The following PLS3 variants were observed in gnomAD, a reference collection of about 807,000 sequenced individuals.
The protein encoded by PLS3 is plastin 3.
A neutral mutation model predicts 46.5 loss-of-function variants in PLS3; 11 were observed. The observed-to-expected ratio is 0.24, with a 90% CI of 0.15 to 0.39. PLS3 has a LOEUF of 0.39. Ranked by LOEUF, PLS3 falls within the 10% of genes least tolerant of loss-of-function variation. The probability of loss-of-function intolerance (pLI) is 1.00; values close to 1 mark genes in which losing one functional copy is unlikely to be tolerated. For missense variants in PLS3, 308 were observed against 461.8 expected (o/e 0.67, Z 3.05); for synonymous variants, 167 against 162.2 (o/e 1.03, Z -0.22).
intron 1 of PLS3, among the ~76,000 whole-genome samples, chrX:115,573,956 G>A (rs782031761): frequency 6.3e-5 from 7 of 110,988 alleles, no homozygotes; most frequent in Non-Finnish European, 1.3e-4. Flanking sequence ...TGCCCACCTC[G>A]ACCTCGCAAA....
At chrX:115,612,154 C>A (rs1425386279) in intron 2 of PLS3, among the ~76,000 whole-genome samples, 2 of 111,685 alleles carry the variant, frequency 1.8e-5, no homozygotes, top group Non-Finnish European at 3.8e-5. Context: ...GAACTATATA[C>A]ATAGCCTTTT....
Position 115,643,529 on chromosome X carries a change from C to T in PLS3, c.1183+21C>T, listed in dbSNP as rs781841501. Reference sequence around the variant, plus strand: ...AGAAGGTAACTAAAAACCTCAATTTCGAATGTGTGGGACTATAGAGTAGAA... The same window carrying T: ...AGAAGGTAACTAAAAACCTCAATTTTGAATGTGTGGGACTATAGAGTAGAA... On this transcript the variant is annotated intron_variant, in intron 10 of 15. Transcript: ENST00000355899. The T allele has an allele frequency of 8.3e-6, 8 of 961,336 alleles. No individual in the cohort carries two copies. In the East Asian group the frequency reaches 9.2e-5, roughly 11 times the overall value. The allele number at this position is 961,336 out of a possible 1,213,427, so 79.2% of individuals were successfully genotyped here. A position where few individuals can be genotyped will look rare whatever the true frequency, so the allele number is the denominator to read the frequency against.
At chrX:115,571,752 T>C (rs149451996) in intron 1 of PLS3, among the ~76,000 whole-genome samples, 141 of 112,036 alleles carry the variant, frequency 1.3e-3, no homozygotes, top group Middle Eastern at 4.6e-3. Context: ...AGAGAAAATA[T>C]ATTATTGAAA....
At position 115,602,542 on chromosome X, in the gene PLS3, G is replaced by A. The variant is rs782277918; in HGVS notation, c.-8-7701G>A. ...TGGCAGTTTCTATTGGTAAAGGTAG[G>A]TATGCAAAGTGTGGGTGTTCAAAAG... On this transcript the variant is annotated intron_variant, in intron 1 of 15. Coordinates refer to ENST00000355899, the MANE Select transcript of PLS3 (RefSeq NM_005032.7). Among the ~76,000 whole-genome samples the A allele has an allele frequency of 1.7e-4, 19 of 111,637 alleles. No individual in the cohort carries two copies. The Admixed American group carries it at 1.7e-3, about 10-fold the overall frequency.
intron 1 of PLS3, among the ~76,000 whole-genome samples, chrX:115,572,182 A>G (rs2074220509): frequency 9.0e-6 from 1 of 111,521 alleles, no homozygotes; most frequent in African/African-American, 3.3e-5. Flanking sequence ...GCTTTAGTTG[A>G]CACTCAGATA....
At chrX:115,602,276 C>T (rs1556634720) in intron 1 of PLS3, among the ~76,000 whole-genome samples, 3 of 111,780 alleles carry the variant, frequency 2.7e-5, no homozygotes, top group Non-Finnish European at 5.6e-5. Context: ...TCTGGAGCAC[C>T]CAACACAGTG....
chrX:115,601,131 A>T (rs1024501378), intron 1 of PLS3, among the ~76,000 whole-genome samples: 1 of 109,978 alleles, frequency 9.1e-6, no homozygotes, highest in African/African-American at 3.3e-5. Flanking sequence ...GTCTAGATAG[A>T]TGGGTGAAGA....
chrX:115,604,460 A>G (rs1380402449), intron 1 of PLS3, among the ~76,000 whole-genome samples: 1 of 111,905 alleles, frequency 8.9e-6, no homozygotes, highest in African/African-American at 3.2e-5. Flanking sequence ...TATTATCACT[A>G]TTTTCAAATG....
At chrX:115,610,443 GA>G in intron 2 of PLS3, 120 bp downstream of exon 2, 1 of 349,113 alleles carries the variant, frequency 2.9e-6, no homozygotes, top group Non-Finnish European at 5.0e-6. Context: ...AGTTAAAATA[GA>G]TGGGATAAAG....
In PLS3 at chrX:115,591,333, A is replaced by G. The variant is rs189555167; in HGVS notation, c.-8-18910A>G. On this transcript the variant is annotated intron_variant, in intron 1 of 15. Transcript: ENST00000355899. ...TGTTGACAGATCATGCTGATCGAAGATTAGCCTTGGAGTTTGGAAAGCTGG... is the reference window on the plus strand; with the variant it reads ...TGTTGACAGATCATGCTGATCGAAGGTTAGCCTTGGAGTTTGGAAAGCTGG... 7.7e-3 allele frequency among the ~76,000 whole-genome samples: 867 copies of G among 112,216 alleles called. 4 individuals are homozygous for G. The highest frequency in any genetic ancestry group is 0.012 in the Non-Finnish European group (644 of 53,280).
chrX:115,637,078 C>A (rs2074845062), intron 8 of PLS3, 100 bp downstream of exon 8: 3 of 820,649 alleles, frequency 3.7e-6, no homozygotes, highest in African/African-American at 2.0e-5. Flanking sequence ...TATCACCAAG[C>A]CTTGTTGTCT....
rs781845451 is a variant in PLS3 at position 115,631,797 on chromosome X, A to G, written c.500+1830A>G. 1.1e-4 allele frequency among the ~76,000 whole-genome samples: 12 copies of G among 110,566 alleles called. No individual in the cohort carries two copies. In the East Asian group the frequency reaches 3.4e-3, roughly 32 times the overall value. On this transcript the variant is annotated intron_variant, in intron 5 of 15. Transcript: ENST00000355899. ...ACAAGCAGTGAAGAAATAATTTCCC[A>G]TGTGTGTGTTTTGTTTTTGTTTTTG...
At position 115,632,750 on chromosome X, in the gene PLS3, CT is replaced by C. The variant is rs375834933; in HGVS notation, c.501-1238del. Reference sequence around the variant, plus strand: ...ATATTCAATAAAGTTCCACCCCCCACTTTTTTTTTTTTCTTTGAGACAGGGT... The same window carrying C: ...ATATTCAATAAAGTTCCACCCCCCACTTTTTTTTTTTCTTTGAGACAGGGT... On this transcript the variant is annotated intron_variant, in intron 5 of 15. Transcript: ENST00000355899. Among the ~76,000 whole-genome samples, 119 of 104,485 alleles carry C rather than the reference CT, an allele frequency of 1.1e-3. 1 individual carries two copies. Among genetic ancestry groups the C allele is most frequent in the South Asian group, 8.4e-3 (20 of 2,391 alleles). 90.7% of individuals were successfully genotyped at this position (104,485 alleles called of 115,157 possible).
chrX:115,622,190 T>C, intron 2 of PLS3, 56 bp from the exon 3 acceptor site: 1 of 979,427 alleles, frequency 1.0e-6, no homozygotes, highest in Non-Finnish European at 1.4e-6. Context: ...GGAAATACTC[T>C]AACTTCTGTC....
At chrX:115,567,128 C>T (rs1556630231) in intron 1 of PLS3, among the ~76,000 whole-genome samples, 2 of 111,799 alleles carry the variant, frequency 1.8e-5, no homozygotes, top group South Asian at 3.7e-4. Context: ...ATTGGCTTAC[C>T]ATACCTCATT....
chrX:115,610,700 G>T, intron 2 of PLS3: 1 of 333,829 alleles, frequency 3.0e-6, no homozygotes, highest in Non-Finnish European at 5.1e-6. Context: ...ATTCTCAAAG[G>T]GATATGTGAC....
intron 2 of PLS3, chrX:115,614,297 TGCA>T (rs2074576709): frequency 1.3e-6 from 1 of 751,136 alleles, no homozygotes; most frequent in South Asian, 6.8e-5. Flanking sequence ...AAACGAGAGT[TGCA>T]GCAGGGGAAA....
chrX:115,609,164 A>C (rs1033758837), intron 1 of PLS3, among the ~76,000 whole-genome samples: 1 of 110,902 alleles, frequency 9.0e-6, no homozygotes, highest in Non-Finnish European at 1.9e-5. Flanking sequence ...AGAAAGGAAC[A>C]TGTAATCATT....
chrX:115,574,664 C>T (rs1024279678), intron 1 of PLS3, among the ~76,000 whole-genome samples: 3 of 110,957 alleles, frequency 2.7e-5, no homozygotes, highest in Admixed American at 9.6e-5. Flanking sequence ...ACCGTAACCT[C>T]CGCCTCCCAG....
Sources: gnomAD v4.1 joint callset for allele counts (sites outside exome capture counted in the v4.1 genomes callset) on GRCh38, gnomAD v4.1.1 for gene constraint, MANE v1.5 for transcripts, NCBI Gene and HGNC (gene_info 2026-07-23, HGNC 2026-07-21) for gene names.